Variants in SNX9 observed in about 807,000 individuals in gnomAD.
The protein encoded by SNX9 is sorting nexin 9.
SNX9 carries 44 observed loss-of-function variants against 89.4 expected under a neutral mutation model. The ratio of observed to expected loss-of-function variants is 0.49; its 90% CI spans 0.39 to 0.63. SNX9 has a LOEUF of 0.63. SNX9 is among the 30% of genes least tolerant of loss of function. The pLI is 0.00. For synonymous variants in SNX9, 236 were observed against 247.8 expected (o/e 0.95, Z 0.45); for missense variants, 578 against 736.1 (o/e 0.79, Z 2.49).
chr6:157,878,287 G>T (rs1782556635), intron 4 of SNX9, among the ~76,000 whole-genome samples: 1 of 152,204 alleles, frequency 6.6e-6, no homozygotes, highest in African/African-American at 2.4e-5. Flanking sequence ...GACTAGAATT[G>T]TCAGTGTGAA....
intron 1 of SNX9, among the ~76,000 whole-genome samples, chr6:157,864,259 A>G (rs1476035652): frequency 6.6e-6 from 1 of 152,054 alleles, no homozygotes; most frequent in African/African-American, 2.4e-5. Context: ...CCCTTTTTGT[A>G]GCAGTGTTGA....
rs181279936 is a variant in SNX9 at position 157,828,814 on chromosome 6, G to A, written c.12+5368G>A. On this transcript the variant is annotated intron_variant, in intron 1 of 17. Coordinates refer to ENST00000392185, the MANE Select transcript of SNX9 (RefSeq NM_016224.5). Reference sequence around the variant, plus strand: ...AATGCGTCTAAGCATCACTTCCCCGGGAAAGCCTTTCCTGATGTCCCCGCC... The same window carrying A: ...AATGCGTCTAAGCATCACTTCCCCGAGAAAGCCTTTCCTGATGTCCCCGCC... Among the ~76,000 whole-genome samples, 75 of 152,180 alleles carry A rather than the reference G, an allele frequency of 4.9e-4. No homozygotes were observed. In the South Asian group the frequency reaches 8.3e-3, roughly 17 times the overall value.
intron 1 of SNX9, among the ~76,000 whole-genome samples, chr6:157,844,587 G>GTTTTTTTGTTTTTTTTTTTTTTTTTTTT (rs1554291784): frequency 6.1e-5 from 8 of 130,298 alleles, no homozygotes; most frequent in South Asian, 5.0e-4. Flanking sequence ...GCTAATCCTT[G>GTTTTTTTGTTTTTTTTTTTTTTTTTTTT]TTTTTTTTTT....
intron 2 of SNX9, 23 bp from the exon 3 acceptor site, chr6:157,873,072 CTTTTTTT>C (rs572209866): frequency 3.8e-6 from 5 of 1,324,352 alleles, no homozygotes; most frequent in South Asian, 1.5e-5. Context: ...TAATCTTTTT[CTTTTTTT>C]TTTTTTTTTG....
chr6:157,914,424 C>CAAATAACT (rs1783414737), intron 9 of SNX9, among the ~76,000 whole-genome samples: 1 of 147,742 alleles, frequency 6.8e-6, no homozygotes, highest in Non-Finnish European at 1.5e-5. Context: ...AAGTGATTTG[C>CAAATAACT]AAATAACTTG....
intron 1 of SNX9, among the ~76,000 whole-genome samples, chr6:157,846,874 T>G (rs1280363837): frequency 6.6e-6 from 1 of 151,936 alleles, no homozygotes; most frequent in African/African-American, 2.4e-5. Flanking sequence ...TGGCGAAACC[T>G]CATCTCAACT....
intron 1 of SNX9, among the ~76,000 whole-genome samples, chr6:157,852,887 A>G (rs1452826114): frequency 2.6e-5 from 4 of 152,110 alleles, no homozygotes; most frequent in Non-Finnish European, 5.9e-5. Flanking sequence ...TATTTTTGTC[A>G]TACATTTTAT....
At chr6:157,897,796 G>A (rs576765581) in intron 5 of SNX9, among the ~76,000 whole-genome samples, 2 of 152,328 alleles carry the variant, frequency 1.3e-5, no homozygotes, top group South Asian at 4.1e-4. Flanking sequence ...GATTACAGGT[G>A]TGAGCCACCA....
At chr6:157,890,290 G>A (rs929076700) in intron 4 of SNX9, among the ~76,000 whole-genome samples, 3 of 152,092 alleles carry the variant, frequency 2.0e-5, no homozygotes, top group African/African-American at 7.2e-5. Context: ...TTCTCAGTCT[G>A]TTCTGTGGTC....
chr6:157,894,465 T>TAAAAAA (rs1173887333), intron 4 of SNX9, among the ~76,000 whole-genome samples: 52 of 100,692 alleles, frequency 5.2e-4, no homozygotes, highest in African/African-American at 1.9e-3. Context: ...ATTTAAATGT[T>TAAAAAA]AAAAAAAAAA....
intron 2 of SNX9, among the ~76,000 whole-genome samples, chr6:157,871,029 T>C (rs1261804424): frequency 6.6e-6 from 1 of 152,266 alleles, no homozygotes; most frequent in Non-Finnish European, 1.5e-5. Context: ...GCAGAAGTGA[T>C]GGTAGTTTTT....
At chr6:157,844,217 G>A (rs1048806745) in intron 1 of SNX9, among the ~76,000 whole-genome samples, 2 of 152,096 alleles carry the variant, frequency 1.3e-5, no homozygotes, top group African/African-American at 4.8e-5. Context: ...AAGCGGAATT[G>A]CAATAGAGAA....
At chr6:157,932,719 T>C (rs1335594130) in intron 13 of SNX9, among the ~76,000 whole-genome samples, 1 of 151,400 alleles carries the variant, frequency 6.6e-6, no homozygotes, top group Admixed American at 6.6e-5. Context: ...AATAAAAAAT[T>C]AGCCACGTGT....
At chr6:157,937,306 T>C (rs1386103895) in intron 14 of SNX9, 128 bp from the exon 15 acceptor site, 5 of 534,514 alleles carry the variant, frequency 9.4e-6, no homozygotes, top group Non-Finnish European at 1.6e-5. Flanking sequence ...AAAAGTGATC[T>C]GAATGCTTAA....
At chr6:157,862,451 C>G (rs1216308920) in intron 1 of SNX9, among the ~76,000 whole-genome samples, 1 of 152,074 alleles carries the variant, frequency 6.6e-6, no homozygotes, top group Admixed American at 6.6e-5. Flanking sequence ...CTTCACTTCT[C>G]GAGGGTGTCA....
chr6:157,884,469 T>C (rs548908974), intron 4 of SNX9, among the ~76,000 whole-genome samples: 4 of 152,346 alleles, frequency 2.6e-5, no homozygotes, highest in African/African-American at 7.2e-5. Context: ...CAGTATTAGA[T>C]GTGCTTATAC....
At chr6:157,840,420 T>TTTCCTTTCTTTCCTTTCC (rs199981713) in intron 1 of SNX9, among the ~76,000 whole-genome samples, 2 of 118,590 alleles carry the variant, frequency 1.7e-5, no homozygotes, top group African/African-American at 6.6e-5. Context: ...TCTTTCTTTC[T>TTTCCTTTCTTTCCTTTCC]TTTCTTTCTT....
At chr6:157,935,681 A>T (rs764981228) in intron 13 of SNX9, among the ~76,000 whole-genome samples, 13 of 152,176 alleles carry the variant, frequency 8.5e-5, no homozygotes, top group Non-Finnish European at 1.6e-4. Context: ...TCATAATGGT[A>T]CTGCCTCATG....
intron 4 of SNX9, among the ~76,000 whole-genome samples, chr6:157,877,135 A>G (rs968572881): frequency 6.6e-6 from 1 of 152,242 alleles, no homozygotes; most frequent in African/African-American, 2.4e-5. Context: ...AGTTTAGCTA[A>G]TGAAAAGAAA....
Sources: allele counts gnomAD v4.1 joint callset (sites outside exome capture counted in the v4.1 genomes callset), GRCh38; gene constraint gnomAD v4.1.1; transcripts MANE v1.5; gene names NCBI Gene and HGNC (gene_info 2026-07-23, HGNC 2026-07-21).